The following RFWD3 variants were observed in gnomAD, a reference collection of about 807,000 sequenced individuals.
The protein encoded by RFWD3 is E3 ubiquitin-protein ligase RFWD3.
A neutral mutation model predicts 87.7 loss-of-function variants in RFWD3; 65 were observed. The ratio of observed to expected loss-of-function variants is 0.74; its 90% CI spans 0.61 to 0.91. RFWD3 has a LOEUF of 0.91. RFWD3 is among the 40% of genes least tolerant of loss of function. The pLI, the probability that RFWD3 is intolerant of heterozygous loss-of-function variation, is 0.00. For missense variants in RFWD3, 1,078 were observed against 938.5 expected, an observed-to-expected ratio of 1.15 and a Z score of -1.94; for synonymous variants, 433 against 352.8, an observed-to-expected ratio of 1.23 and a Z score of -2.55.
rs1405792931 is a variant in RFWD3, at chr16:74,637,884, T to G, written c.1166A>C (p.Lys389Thr). The change falls in exon 7 of 13, where the codon AAG becomes ACG. Residue 389 changes from lysine (K) to threonine (T), a missense_variant. Transcript: ENST00000361070. ...AACACGCCTTTGAAGCCTAGTGCAC[T>G]TATCAGTGAGGACCTGCAGTTGGAG... ...CRLQLQVLTD[K>T]CTRLQRRVQD... The G allele has an allele frequency of 1.4e-5, 23 of 1,612,532 alleles. No homozygotes were observed. The highest frequency in any genetic ancestry group is 1.9e-5 in the Non-Finnish European group (22 of 1,179,540).
chr16:74,643,212 C>T (rs1010388463), intron 6 of RFWD3, among the ~76,000 whole-genome samples: 1 of 152,152 alleles, frequency 6.6e-6, no homozygotes, highest in Non-Finnish European at 1.5e-5. Context: ...AACTCCTGGT[C>T]TTAAGCAATC....
chr16:74,629,626 TA>T (rs1567567062), intron 10 of RFWD3, among the ~76,000 whole-genome samples: 1 of 150,344 alleles, frequency 6.7e-6, no homozygotes, highest in South Asian at 2.1e-4. Context: ...GACACCATCT[TA>T]AAAAAACAAA....
At chr16:74,657,870 TAAG>T (rs1162693989) in intron 2 of RFWD3, among the ~76,000 whole-genome samples, 5 of 152,158 alleles carry the variant, frequency 3.3e-5, no homozygotes, top group African/African-American at 4.8e-5. Flanking sequence ...ACTAAACACA[TAAG>T]AAAAGCATTT....
At chr16:74,651,852 C>G in intron 3 of RFWD3, 68 bp downstream of exon 3, 1 of 1,399,928 alleles carries the variant, frequency 7.1e-7, no homozygotes, top group Non-Finnish European at 1.0e-6. Context: ...AATCTAGTTT[C>G]TAGCCTTCCG....
At chr16:74,640,480 T>C (rs551713526) in intron 6 of RFWD3, among the ~76,000 whole-genome samples, 1 of 152,016 alleles carries the variant, frequency 6.6e-6, no homozygotes, top group Admixed American at 6.6e-5. Flanking sequence ...CAATGAAAAT[T>C]TGTACAGAAA....
intron 12 of RFWD3, among the ~76,000 whole-genome samples, chr16:74,624,868 C>T (rs944340354): frequency 6.6e-5 from 10 of 152,000 alleles, no homozygotes; most frequent in African/African-American, 2.2e-4. Flanking sequence ...GGTGCATGCC[C>T]GCAGTCCCAG....
chr16:74,641,224 G>A (rs1457711736), intron 6 of RFWD3, among the ~76,000 whole-genome samples: 3 of 151,398 alleles, frequency 2.0e-5, no homozygotes, highest in Non-Finnish European at 4.4e-5. Context: ...GTGCAATGGT[G>A]CGACCTCGGC....
chr16:74,651,826 A>G (rs1043361760), intron 3 of RFWD3, 94 bp downstream of exon 3: 1 of 1,085,700 alleles, frequency 9.2e-7, no homozygotes, highest in Non-Finnish European at 1.4e-6. Flanking sequence ...GAGAAAAGGG[A>G]AAGTGTCAAA....
chr16:74,637,369 G>A (rs1054455805), intron 7 of RFWD3, among the ~76,000 whole-genome samples: 1 of 152,174 alleles, frequency 6.6e-6, no homozygotes, highest in Non-Finnish European at 1.5e-5. Flanking sequence ...GCTCACGCCT[G>A]TAATCCCAGC....
chr16:74,644,172 G>C (rs1243425305), intron 6 of RFWD3, 190 bp downstream of exon 6: 1 of 641,180 alleles, frequency 1.6e-6, no homozygotes. Context: ...AAACGATGCA[G>C]ACTTCCTTAA....
chr16:74,630,870 G>C lies in RFWD3; in HGVS notation c.1665C>G (p.Ile555Met), dbSNP rs1181669986. The change falls in exon 10 of 13, where the codon ATC (isoleucine) becomes ATG (methionine). Residue 555 changes from isoleucine (I) to methionine (M), a missense_variant. Physicochemically the swap from Ile to Met is conservative, Grantham distance 10. Transcript: ENST00000361070. The part of the protein sequence containing the change: ...CCWCLDEANY[I>M]YAGLANGSIL... ...TTGAACCATTGGCCAGTCCAGCATA[G>C]ATGTAGTTAGCCTCATCAAGACACC... 6.2e-7 allele frequency: 1 copy of C among 1,613,916 alleles called. No homozygotes were observed. Among genetic ancestry groups the C allele is most frequent in the African/African-American group, 1.3e-5 (1 of 74,902 alleles).
chr16:74,650,732 C>G (rs1178749197), intron 3 of RFWD3, among the ~76,000 whole-genome samples: 1 of 152,052 alleles, frequency 6.6e-6, no homozygotes, highest in Non-Finnish European at 1.5e-5. Flanking sequence ...AAAAAATTAG[C>G]CAGGTGTGGA....
intron 2 of RFWD3, among the ~76,000 whole-genome samples, chr16:74,656,559 T>C (rs375957099): frequency 4.5e-4 from 69 of 152,112 alleles, no homozygotes; most frequent in African/African-American, 1.7e-3. Flanking sequence ...ATTGGCTCAT[T>C]GGAACCTTTC....
intron 8 of RFWD3, among the ~76,000 whole-genome samples, chr16:74,632,905 G>A (rs1959144811): frequency 2.0e-5 from 3 of 152,230 alleles, no homozygotes; most frequent in African/African-American, 7.2e-5. Flanking sequence ...GCCTCCCGGT[G>A]ATCTGCTCGC....
At chr16:74,661,486 A>G in intron 1 of RFWD3, 35 bp from the exon 2 acceptor site, 1 of 1,514,022 alleles carries the variant, frequency 6.6e-7, no homozygotes, top group Non-Finnish European at 8.9e-7. Flanking sequence ...GTATTAATAA[A>G]ATAGATAAAA....
At position 74,644,610 on chromosome 16, in the gene RFWD3, G is replaced by C. The variant is rs1959958721; in HGVS notation, c.918C>G (p.Arg306=). 6.2e-7 allele frequency: 1 copy of C among 1,614,200 alleles called. No homozygotes were observed. Residue 306 remains arginine (R), a synonymous_variant, in exon 5 of 13, where the codon CGC becomes CGG. Coordinates refer to ENST00000361070, the MANE Select transcript of RFWD3 (RefSeq NM_018124.4). ...NAGDHRLSAL[R]CGHLFGYRCI... ...ACCTATACCCAAAGAGATGCCCACA[G>C]CGTAATGCTGAGAGCCGGTGGTCCC...
At chr16:74,660,249 G>A (rs1381531643) in intron 2 of RFWD3, among the ~76,000 whole-genome samples, 1 of 152,294 alleles carries the variant, frequency 6.6e-6, no homozygotes, top group South Asian at 2.1e-4. Context: ...CAGCCTGGGC[G>A]ACAGAGTGAG....
chr16:74,636,868 G>A (rs1385141766), intron 7 of RFWD3, among the ~76,000 whole-genome samples: 2 of 151,712 alleles, frequency 1.3e-5, no homozygotes, highest in Non-Finnish European at 2.9e-5. Context: ...CCACTACCAT[G>A]CCCGGCTAAT....
chr16:74,624,180 G>T lies in RFWD3; in HGVS notation c.2182-109C>A, dbSNP rs1028665493. On this transcript the variant is annotated intron_variant, in intron 12 of 12. Transcript: ENST00000361070. ...AAGGCTGCAGAGAGAACACTACCTG[G>T]AGAGCAAAGCAGGCTGTCCCTAACC... 5.3e-6 allele frequency: 7 copies of T among 1,315,704 alleles called. No individual in the cohort carries two copies. In the East Asian group the frequency reaches 1.8e-4, roughly 33 times the overall value. The allele number at this position is 1,315,704 out of a possible 1,614,324, so 81.5% of individuals were successfully genotyped here.
Sources: allele counts gnomAD v4.1 joint callset (sites outside exome capture counted in the v4.1 genomes callset), GRCh38; gene constraint gnomAD v4.1.1; transcripts MANE v1.5; gene names NCBI Gene and HGNC (gene_info 2026-07-23, HGNC 2026-07-21).